The following RPAP1 variants were observed in gnomAD, a reference collection of about 807,000 sequenced individuals.
RPAP1 encodes RNA polymerase II associated protein 1.
In RPAP1, 109 loss-of-function variants were observed where a neutral mutation model predicts 142.4. The ratio of observed to expected loss-of-function variants is 0.77; its 90% CI spans 0.66 to 0.90. The LOEUF (loss-of-function observed/expected upper bound fraction) is 0.90, where lower values mean the gene tolerates loss of function less well. Ranked by LOEUF, RPAP1 falls within the 40% of genes least tolerant of loss-of-function variation. The pLI is 0.00. For synonymous variants in RPAP1, 704 were observed against 738.9 expected (o/e 0.95, Z 0.77); for missense variants, 1,546 against 1,751.7 (o/e 0.88, Z 2.10).
Position 41,522,772 on chromosome 15 carries a change from C to T in RPAP1, c.2735G>A (p.Cys912Tyr), listed in dbSNP as rs375972431. 4 of 1,555,856 alleles carry T rather than the reference C, an allele frequency of 2.6e-6. No individual in the cohort carries two copies. Among genetic ancestry groups the T allele is most frequent in the South Asian group, 2.5e-5 (2 of 79,300 alleles). The change falls in exon 19 of 25, where the codon TGT becomes TAT. Residue 912 changes from cysteine (C) to tyrosine (Y), a missense_variant. This residue lies in a region of RPAP1 where 1,333 missense variants were observed against 1,486.6 expected (regional missense o/e 0.90). Transcript: ENST00000304330. ...NTLAQIHKGL[C>Y]GQLAAILAAP... ...CAGGCACCCCACACTTACCTGGCCA[C>T]ACAGCCCCTTGTGGATCTGGGCCAG...
rs746807234 is a variant in RPAP1, at chr15:41,520,886, G to A, written c.3300C>T (p.Asp1100=). 1 of 1,613,614 alleles carries A rather than the reference G, an allele frequency of 6.2e-7. No homozygotes were observed. Among genetic ancestry groups the A allele is most frequent in the Non-Finnish European group, 8.5e-7 (1 of 1,180,026 alleles). ...PMPTEPLLPT[D]WPFLPLIRLY... ...GGCGAATCAGTGGCAGGAAGGGCCA[G>A]TCGGTGGGCAGCAGCGGCTCCGTAG... is the stretch of plus-strand genomic sequence containing the variant. Residue 1100 remains aspartate (D), a synonymous_variant, in exon 22 of 25, where the codon GAC becomes GAT. Transcript: ENST00000304330.
At chr15:41,528,444 C>G (rs1175270937) in intron 9 of RPAP1, 108 bp from the exon 10 acceptor site, 8 of 772,924 alleles carry the variant, frequency 1.0e-5, no homozygotes, top group Non-Finnish European at 1.7e-5. Context: ...GAAATCTGCC[C>G]TGCTTTCCAT....
chr15:41,540,644 T>C (rs2140793142), intron 1 of RPAP1, among the ~76,000 whole-genome samples: 1 of 152,234 alleles, frequency 6.6e-6, no homozygotes, highest in South Asian at 2.1e-4. Flanking sequence ...AAAAGAATAG[T>C]GCTGAGAAGT....
At chr15:41,518,836 ACT>A (rs982528192) in intron 22 of RPAP1, among the ~76,000 whole-genome samples, 6 of 152,146 alleles carry the variant, frequency 3.9e-5, no homozygotes, top group East Asian at 3.8e-4. Flanking sequence ...ACAGAGCGAG[ACT>A]CTGTCTCAAA....
intron 22 of RPAP1, 37 bp downstream of exon 22, chr15:41,520,354 G>C: frequency 6.2e-7 from 1 of 1,610,740 alleles, no homozygotes; most frequent in Non-Finnish European, 8.5e-7. Context: ...GCCCAGTGCA[G>C]GGTACCCTTG....
chr15:41,526,693 A>G (rs1269934594), intron 14 of RPAP1, among the ~76,000 whole-genome samples: 2 of 152,232 alleles, frequency 1.3e-5, no homozygotes, highest in African/African-American at 4.8e-5. Context: ...AGACCACAGT[A>G]TACCTATATG....
At chr15:41,544,088 C>A (rs941729795) in intron 1 of RPAP1, 131 bp downstream of exon 1, 1 of 152,376 alleles carries the variant, frequency 6.6e-6, no homozygotes, top group African/African-American at 2.4e-5. Context: ...GATCTATGCA[C>A]AGAGGAGGCC....
intron 18 of RPAP1, 65 bp downstream of exon 18, chr15:41,523,180 G>T (rs529970782): frequency 1.6e-6 from 2 of 1,214,138 alleles, no homozygotes; most frequent in South Asian, 1.5e-5. Context: ...CTGGACCCAG[G>T]AATCCCACAA....
intron 6 of RPAP1, 83 bp downstream of exon 6, chr15:41,534,631 G>T (rs1269134029): frequency 2.9e-6 from 2 of 694,208 alleles, no homozygotes; most frequent in East Asian, 6.5e-5. Flanking sequence ...TCAGCACAGT[G>T]CCCGGAACTC....
chr15:41,536,922 G>T, intron 2 of RPAP1, 23 bp downstream of exon 2: 3 of 1,609,520 alleles, frequency 1.9e-6, no homozygotes, highest in Non-Finnish European at 2.5e-6. Flanking sequence ...CTACTTCTCA[G>T]CCTCACATCC....
chr15:41,524,976 C>A lies in RPAP1; in HGVS notation c.2075+15G>T, dbSNP rs746512054. ...GAAGGTGTCTAGGGGGAGCCTACCC[C>A]CTGCCTCTCCTCACCTGTAAAGGTA... On this transcript the variant is annotated intron_variant, in intron 15 of 24. Coordinates refer to ENST00000304330, the MANE Select transcript of RPAP1 (RefSeq NM_015540.4). 18 of 1,611,988 alleles carry A rather than the reference C, an allele frequency of 1.1e-5. No individual in the cohort carries two copies. Among genetic ancestry groups the A allele is most frequent in the East Asian group, 4.5e-5 (2 of 44,764 alleles).
chr15:41,524,756 G>A (rs1303868025), intron 15 of RPAP1, among the ~76,000 whole-genome samples: 1 of 152,200 alleles, frequency 6.6e-6, no homozygotes, highest in Non-Finnish European at 1.5e-5. Context: ...TTACAGGCAT[G>A]AGCCACAGTG....
In RPAP1 at chr15:41,535,741, A is replaced by G. The variant is rs563868252; in HGVS notation, c.421-109T>C. 8.3e-6 allele frequency: 12 copies of G among 1,452,002 alleles called. No individual in the cohort carries two copies. In the African/African-American group the frequency reaches 1.4e-4, roughly 17 times the overall value. 89.9% of individuals were successfully genotyped at this position (1,452,002 alleles called of 1,614,324 possible). A position where few individuals can be genotyped will look rare whatever the true frequency, so the allele number is the denominator to read the frequency against. The stretch of plus-strand genomic sequence containing the variant: ...CAAAGAGATAAAAGGGGATTTGCTC[A>G]ATTTCCAGGGATCACAACCCTAGTT... On this transcript the variant is annotated intron_variant, in intron 4 of 24. Transcript: ENST00000304330.
At position 41,520,371 on chromosome 15, in the gene RPAP1, C is replaced by G; in HGVS notation, c.3795+20G>C. On this transcript the variant is annotated intron_variant, in intron 22 of 24. Coordinates refer to ENST00000304330, the MANE Select transcript of RPAP1 (RefSeq NM_015540.4). ...CCAGTGCAGGGTACCCTTGCAGGTC[C>G]TGCTGGGCTGAGAAAGTACCTGGGT... The G allele has an allele frequency of 2.5e-6, 4 of 1,612,896 alleles. No homozygotes were observed. Among genetic ancestry groups the G allele is most frequent in the Non-Finnish European group, 3.4e-6 (4 of 1,179,480 alleles).
Position 41,521,028 on chromosome 15 carries a change from G to T in RPAP1, c.3158C>A (p.Pro1053His). The change falls in exon 22 of 25, where the codon CCC becomes CAC. Residue 1053 changes from proline (P) to histidine (H), a missense_variant. Pro to His is a moderately conservative substitution (Grantham distance 77). Around this residue, in one of 3 missense-constraint regions of RPAP1, gnomAD observed 1,333 missense variants for 1,486.6 expected, o/e 0.90. Coordinates refer to ENST00000304330, the MANE Select transcript of RPAP1 (RefSeq NM_015540.4). ...TLLAQACQDL[P>H]SIRNCYLTHC... is the part of the protein sequence containing the mutation. Reference sequence around the variant, plus strand: ...AGTCAGGTAGCAGTTGCGGATGCTGGGGAGGTCCTGGCAGGCCTGAGCCAG... The same window carrying T: ...AGTCAGGTAGCAGTTGCGGATGCTGTGGAGGTCCTGGCAGGCCTGAGCCAG... 1 of 1,599,286 alleles carries T rather than the reference G, an allele frequency of 6.3e-7. No individual in the cohort carries two copies. Among genetic ancestry groups the T allele is most frequent in the Non-Finnish European group, 8.5e-7 (1 of 1,172,674 alleles).
chr15:41,527,153 C>G lies in RPAP1; in HGVS notation c.1746+14G>C. ...CTAGGCTTTTTGCCCATTCCCTGCTCCCTTTTTTCTCACCCTTGTGGCTGA... is the reference window on the plus strand; with the variant it reads ...CTAGGCTTTTTGCCCATTCCCTGCTGCCTTTTTTCTCACCCTTGTGGCTGA... On this transcript the variant is annotated intron_variant, in intron 13 of 24. Transcript: ENST00000304330. 6.2e-7 allele frequency: 1 copy of G among 1,614,122 alleles called. No homozygotes were observed. Among genetic ancestry groups the G allele is most frequent in the Non-Finnish European group, 8.5e-7 (1 of 1,179,974 alleles).
At chr15:41,536,907 C>A in intron 2 of RPAP1, 38 bp downstream of exon 2, 1 of 1,601,998 alleles carries the variant, frequency 6.2e-7, no homozygotes. Flanking sequence ...GAGGCTGTAC[C>A]CTCTCTACTT....
At chr15:41,540,866 G>A (rs1230015257) in intron 1 of RPAP1, among the ~76,000 whole-genome samples, 5 of 152,164 alleles carry the variant, frequency 3.3e-5, no homozygotes, top group Non-Finnish European at 5.9e-5. Flanking sequence ...TCTCAATAGG[G>A]ACTATTGATC....
intron 4 of RPAP1, among the ~76,000 whole-genome samples, chr15:41,535,887 G>T (rs2140785282): frequency 6.6e-6 from 1 of 152,218 alleles, no homozygotes; most frequent in African/African-American, 2.4e-5. Flanking sequence ...TCTCTTTGGG[G>T]TCTCAGTTTC....
Sources: gnomAD v4.1 joint callset for allele counts (sites outside exome capture counted in the v4.1 genomes callset) on GRCh38, gnomAD v4.1.1 for gene constraint, gnomAD v4.1.1 regional missense constraint, MANE v1.5 for transcripts, NCBI Gene and HGNC (gene_info 2026-07-23, HGNC 2026-07-21) for gene names.